Variants in CCDC83 observed in about 807,000 individuals in gnomAD.
CCDC83 encodes coiled-coil domain containing 83.
CCDC83 carries 54 observed loss-of-function variants against 50.1 expected under a neutral mutation model. The observed-to-expected ratio is 1.08, with a 90% CI of 0.87 to 1.35. The LOEUF is 1.35. CCDC83 is among the 40% of genes most tolerant of loss of function. The probability of loss-of-function intolerance (pLI) is 0.00; values close to 1 mark genes in which losing one functional copy is unlikely to be tolerated. For synonymous variants in CCDC83, 161 were observed against 153.3 expected (o/e 1.05, Z -0.37); for missense variants, 518 against 473.9 (o/e 1.09, Z -0.86).
At chr11:85,872,212 C>T (rs998995846) in intron 2 of CCDC83, among the ~76,000 whole-genome samples, 3 of 152,112 alleles carry the variant, frequency 2.0e-5, no homozygotes, top group Middle Eastern at 3.2e-3. Flanking sequence ...TGGCCGGGCA[C>T]GGTGGCTCAC....
In CCDC83 at chr11:85,919,676, A is replaced by G. The variant is rs2093499459; in HGVS notation, c.*166A>G. Reference sequence around the variant, plus strand: ...ATCAAAGGTATTCAGCTATTCATTTACTTGCATGGTATGAGTGACCAAAAC... The same window carrying G: ...ATCAAAGGTATTCAGCTATTCATTTGCTTGCATGGTATGAGTGACCAAAAC... On this transcript the variant is annotated 3_prime_UTR_variant, in exon 11 of 11. Transcript: ENST00000342404. The G allele has an allele frequency of 1.7e-6, 1 of 605,376 alleles. No homozygotes were observed. Among genetic ancestry groups the G allele is most frequent in the Admixed American group, 3.2e-5 (1 of 30,800 alleles). The allele number at this position is 605,376 out of a possible 1,614,324, so 37.5% of individuals were successfully genotyped here.
At chr11:85,902,480 TGCAG>T (rs2093406686) in intron 7 of CCDC83, among the ~76,000 whole-genome samples, 1 of 152,198 alleles carries the variant, frequency 6.6e-6, no homozygotes, top group African/African-American at 2.4e-5. Flanking sequence ...ATAATTGTGT[TGCAG>T]GCCTAAAAAG....
chr11:85,863,130 A>ACTT (rs2093187219), intron 1 of CCDC83, among the ~76,000 whole-genome samples: 1 of 152,242 alleles, frequency 6.6e-6, no homozygotes, highest in African/African-American at 2.4e-5. Context: ...CTTCCATATG[A>ACTT]CTTAGAAAGA....
At chr11:85,910,134 T>G (rs1470737453) in intron 7 of CCDC83, among the ~76,000 whole-genome samples, 4 of 152,202 alleles carry the variant, frequency 2.6e-5, no homozygotes, top group Non-Finnish European at 5.9e-5. Context: ...CCAGATTAAG[T>G]GTCATCTCTT....
At chr11:85,866,659 A>G (rs1308146410) in intron 2 of CCDC83, among the ~76,000 whole-genome samples, 4 of 139,082 alleles carry the variant, frequency 2.9e-5, no homozygotes, top group Admixed American at 2.1e-4. Flanking sequence ...GTCTCAAAAA[A>G]ACAAAACAAA....
At chr11:85,895,264 C>CTTTTTTTTTT (rs10594256) in intron 5 of CCDC83, 29 bp from the exon 6 acceptor site, 10 of 363,088 alleles carry the variant, frequency 2.8e-5, no homozygotes, top group East Asian at 4.5e-5. Flanking sequence ...TTTTAATTTT[C>CTTTTTTTTTT]TTTTTTTTTT....
rs2093239464 is a variant in CCDC83 at position 85,871,848 on chromosome 11, G to T, written c.96-1363G>T. ...TATTTTGTTTTTAATTGAGCCAAAG[G>T]GTTTAGGTAACACACTTCTGTTGCC... On this transcript the variant is annotated intron_variant, in intron 2 of 10. Transcript: ENST00000342404. 2.0e-5 allele frequency among the ~76,000 whole-genome samples: 3 copies of T among 152,048 alleles called. No homozygotes were observed. In the South Asian group the frequency reaches 6.2e-4, roughly 31 times the overall value.
Position 85,865,147 on chromosome 11 carries a change from T to C in CCDC83, c.24T>C (p.Asn8=). ...CAATGGAAAACTCAGGGAAAGCAAA[T>C]AAAAAGGATACACATGACGGGCCAC... is the stretch of plus-strand genomic sequence containing the variant. MENSGKA[N]KKDTHDGPPK... The change falls in exon 2 of 11, where the codon AAT becomes AAC. Residue 8 remains asparagine (N), a synonymous_variant. Coordinates refer to ENST00000342404, the MANE Select transcript of CCDC83 (RefSeq NM_001286159.2). 1.2e-6 allele frequency: 2 copies of C among 1,612,468 alleles called. No homozygotes were observed. The highest frequency in any genetic ancestry group is 1.7e-6 in the Non-Finnish European group (2 of 1,178,674).
At chr11:85,908,529 C>A (rs1427598345) in intron 7 of CCDC83, among the ~76,000 whole-genome samples, 1 of 151,264 alleles carries the variant, frequency 6.6e-6, no homozygotes, top group Non-Finnish European at 1.5e-5. Flanking sequence ...CCAACCTGGG[C>A]AACACAGCAT....
chr11:85,908,197 T>G (rs2093433854), intron 7 of CCDC83, among the ~76,000 whole-genome samples: 1 of 152,176 alleles, frequency 6.6e-6, no homozygotes, highest in South Asian at 2.1e-4. Flanking sequence ...GGACTGGTAT[T>G]GCTTTATATT....
chr11:85,858,480 G>A (rs560534172), intron 1 of CCDC83, among the ~76,000 whole-genome samples: 3 of 152,286 alleles, frequency 2.0e-5, no homozygotes, highest in Non-Finnish European at 4.4e-5. Context: ...TGGTTTGTCA[G>A]TGTCCCCTAT....
upstream of CCDC83, chr11:85,855,187 G>A (rs1298540644): frequency 6.6e-6 from 1 of 152,452 alleles, no homozygotes; most frequent in African/African-American, 2.4e-5. Flanking sequence ...GCCCAGGGCC[G>A]GGTATCCGCC....
upstream of CCDC83, chr11:85,855,279 A>T (rs528121448): frequency 1.3e-3 from 202 of 152,500 alleles, no homozygotes; most frequent in Non-Finnish European, 2.3e-3. Context: ...GACACTGAAG[A>T]CTTTATAAGC....
intron 6 of CCDC83, among the ~76,000 whole-genome samples, chr11:85,898,150 C>T (rs960197347): frequency 3.4e-5 from 5 of 149,244 alleles, no homozygotes; most frequent in African/African-American, 1.0e-4. Context: ...GAGCAAGACT[C>T]CATCTCAAAA....
chr11:85,917,097 C>T (rs529713325), intron 10 of CCDC83, among the ~76,000 whole-genome samples: 12 of 110,272 alleles, frequency 1.1e-4, no homozygotes, highest in African/African-American at 3.2e-4. Context: ...GGTGACAGAG[C>T]GAGACTCTGA....
chr11:85,882,648 G>A lies in CCDC83; in HGVS notation c.316G>A (p.Glu106Lys). Residue 106 changes from glutamate to lysine, a missense_variant, in exon 4 of 11, where the codon GAA becomes AAA. By Grantham distance (56) the Glu-to-Lys change is moderately conservative. Coordinates refer to ENST00000342404, the MANE Select transcript of CCDC83 (RefSeq NM_001286159.2). ...AGCGATGAAGGAAAAATGGAAGTTT[G>A]AAAGAGACCAGGAAAAAAACTTGAG... ...EEAMKEKWKF[E>K]RDQEKNLRDM... The A allele has an allele frequency of 2.5e-6, 4 of 1,613,916 alleles. No individual in the cohort carries two copies. The highest frequency in any genetic ancestry group is 3.4e-6 in the Non-Finnish European group (4 of 1,179,908).
chr11:85,871,104 T>G (rs1216295081), intron 2 of CCDC83, among the ~76,000 whole-genome samples: 1 of 152,068 alleles, frequency 6.6e-6, no homozygotes, highest in Non-Finnish European at 1.5e-5. Context: ...GAGGGGGAGT[T>G]TGCAGTGAGC....
At chr11:85,916,405 C>T (rs2093477390) in intron 10 of CCDC83, 172 bp downstream of exon 10, 1 of 612,838 alleles carries the variant, frequency 1.6e-6, no homozygotes, top group African/African-American at 1.9e-5. Context: ...TTCACTCCTA[C>T]TCTTGCCCAA....
In CCDC83 at chr11:85,919,941, A is replaced by G. The variant is rs2093500529; in HGVS notation, c.*431A>G. ...GACAGCCAGTCTATAATGCAAGCCAATTCTCCGTAGTTTAACCCTGTGTAT... is the reference window on the plus strand; with the variant it reads ...GACAGCCAGTCTATAATGCAAGCCAGTTCTCCGTAGTTTAACCCTGTGTAT... On this transcript the variant is annotated 3_prime_UTR_variant, in exon 11 of 11. Transcript: ENST00000342404. 3 of 173,168 alleles carry G rather than the reference A, an allele frequency of 1.7e-5. No homozygotes were observed. Among genetic ancestry groups the G allele is most frequent in the Admixed American group, 6.4e-5 (1 of 15,688 alleles). The allele number at this position is 173,168 out of a possible 1,614,324, so 10.7% of individuals were successfully genotyped here.
Sources: allele counts gnomAD v4.1 joint callset (sites outside exome capture counted in the v4.1 genomes callset), GRCh38; gene constraint gnomAD v4.1.1; transcripts MANE v1.5; gene names NCBI Gene and HGNC (gene_info 2026-07-23, HGNC 2026-07-21).